Variants in GNB1 observed in about 807,000 individuals in gnomAD.
The protein encoded by GNB1 is guanine nucleotide-binding protein G(I)/G(S)/G(T) subunit beta-1.
Under a neutral mutation model 42.9 loss-of-function variants are expected in GNB1, and 2 were observed. That is an observed-to-expected ratio of 0.05 (90% confidence interval 0.02 to 0.15). GNB1 has a LOEUF of 0.15. GNB1 is among the 10% of genes least tolerant of loss of function. The pLI is 1.00. For missense variants in GNB1, 193 were observed against 462.2 expected (o/e 0.42, Z 5.34); for synonymous variants, 183 against 174.7 (o/e 1.05, Z -0.38).
intron 5 of GNB1, among the ~76,000 whole-genome samples, chr1:1,813,457 T>C (rs1265672708): frequency 1.3e-5 from 2 of 152,174 alleles, no homozygotes; most frequent in African/African-American, 4.8e-5. Context: ...AGGAATAACT[T>C]TGAATTCACA....
chr1:1,820,829 T>G (rs184471121), intron 3 of GNB1, among the ~76,000 whole-genome samples: 268 of 152,326 alleles, frequency 1.8e-3, no homozygotes, highest in African/African-American at 5.5e-3. Context: ...TAACTTCAAT[T>G]CAATCTTTAT....
At chr1:1,833,470 A>G (rs538144567) in intron 2 of GNB1, among the ~76,000 whole-genome samples, 1 of 152,278 alleles carries the variant, frequency 6.6e-6, no homozygotes, top group South Asian at 2.1e-4. Context: ...GACCACCGCA[A>G]CTGATAAAGG....
intron 1 of GNB1, among the ~76,000 whole-genome samples, chr1:1,887,130 A>G (rs895673434): frequency 1.3e-5 from 2 of 152,246 alleles, no homozygotes; most frequent in African/African-American, 2.4e-5. Flanking sequence ...AAAATTGAGA[A>G]TATCTATTAC....
chr1:1,850,251 C>T (rs1437767952), intron 1 of GNB1, among the ~76,000 whole-genome samples: 1 of 152,188 alleles, frequency 6.6e-6, no homozygotes, highest in Non-Finnish European at 1.5e-5. Context: ...CTGCCTCAAC[C>T]TCTCGAGTAG....
chr1:1,789,029 C>G (rs372190992), intron 10 of GNB1, 24 bp downstream of exon 10: 2 of 1,546,144 alleles, frequency 1.3e-6, no homozygotes, highest in Admixed American at 1.7e-5. Context: ...CCACAAGACA[C>G]AGAAAGGCCC....
At chr1:1,861,412 C>T (rs1049580770) in intron 1 of GNB1, among the ~76,000 whole-genome samples, 11 of 152,216 alleles carry the variant, frequency 7.2e-5, no homozygotes, top group Admixed American at 2.0e-4. Context: ...CCCACCGCTG[C>T]ACTCCAGCCT....
At chr1:1,812,202 G>GT (rs1162695450) in intron 5 of GNB1, among the ~76,000 whole-genome samples, 3 of 151,714 alleles carry the variant, frequency 2.0e-5, no homozygotes, top group African/African-American at 7.3e-5. Flanking sequence ...CTGTCATGTG[G>GT]TGGGGGGCAG....
Position 1,829,362 on chromosome 1 carries a change from G to A in GNB1, c.-46-3863C>T, listed in dbSNP as rs1182630319. Reference sequence around the variant, plus strand: ...GAGCCATCATGCCCCGCCTAAAAATGTATTTTCTACAATCAAATTGAAAAA... The same window carrying A: ...GAGCCATCATGCCCCGCCTAAAAATATATTTTCTACAATCAAATTGAAAAA... On this transcript the variant is annotated intron_variant, in intron 2 of 11. Transcript: ENST00000378609. Among the ~76,000 whole-genome samples, 5 of 152,122 alleles carry A rather than the reference G, an allele frequency of 3.3e-5. No individual in the cohort carries two copies. The East Asian group carries it at 9.6e-4, about 29-fold the overall frequency.
rs555292150 is a variant in GNB1 at position 1,850,776 on chromosome 1, C to T, written c.-95-11538G>A. Among the ~76,000 whole-genome samples, 3 of 152,140 alleles carry T rather than the reference C, an allele frequency of 2.0e-5. No homozygotes were observed. The South Asian group carries it at 6.2e-4, about 32-fold the overall frequency. ...TTATTTCTCTCTTAACAAGAAATCG[C>T]TTTTTTGTGTATCTCATAATTTTTT... is the stretch of plus-strand genomic sequence containing the variant. On this transcript the variant is annotated intron_variant, in intron 1 of 11. Transcript: ENST00000378609.
chr1:1,833,184 AGT>A (rs1443385766), intron 2 of GNB1, among the ~76,000 whole-genome samples: 1 of 152,208 alleles, frequency 6.6e-6, no homozygotes, highest in Admixed American at 6.5e-5. Context: ...AACCGGCCCC[AGT>A]GTCTTACACC....
Position 1,850,408 on chromosome 1 carries a change from C to G in GNB1, c.-95-11170G>C, listed in dbSNP as rs554250311. ...CGGCCTCCCCAAAGTGCTGGGATTA[C>G]AAGGGTGAGCCACCGCGCCCAGCCT... On this transcript the variant is annotated intron_variant, in intron 1 of 11. Coordinates refer to ENST00000378609, the MANE Select transcript of GNB1 (RefSeq NM_002074.5). 2.0e-3 allele frequency among the ~76,000 whole-genome samples: 305 copies of G among 152,110 alleles called. 2 individuals are homozygous for G. In the Middle Eastern group the frequency reaches 0.027, roughly 14 times the overall value.
At chr1:1,818,909 AAAAT>A (rs2100905711) in intron 3 of GNB1, among the ~76,000 whole-genome samples, 1 of 152,178 alleles carries the variant, frequency 6.6e-6, no homozygotes, top group East Asian at 1.9e-4. Context: ...AAAACAAAGA[AAAAT>A]AAATAAATTC....
At chr1:1,887,104 G>T (rs1164087346) in intron 1 of GNB1, among the ~76,000 whole-genome samples, 1 of 152,146 alleles carries the variant, frequency 6.6e-6, no homozygotes, top group East Asian at 1.9e-4. Flanking sequence ...CCTGCCATAT[G>T]GTCAAGCCAG....
At chr1:1,809,415 G>T (rs1348950290) in intron 5 of GNB1, among the ~76,000 whole-genome samples, 1 of 151,988 alleles carries the variant, frequency 6.6e-6, no homozygotes, top group African/African-American at 2.4e-5. Flanking sequence ...TGCCTGCCTC[G>T]GCTGGGATTA....
chr1:1,847,090 A>G (rs1017030093), intron 1 of GNB1, among the ~76,000 whole-genome samples: 1 of 152,184 alleles, frequency 6.6e-6, no homozygotes, highest in African/African-American at 2.4e-5. Flanking sequence ...AAAAACTGCC[A>G]CAAAGGACAC....
intron 5 of GNB1, among the ~76,000 whole-genome samples, chr1:1,815,252 C>T (rs545109470): frequency 6.6e-6 from 1 of 152,180 alleles, no homozygotes; most frequent in Non-Finnish European, 1.5e-5. Context: ...AGCGCATTCC[C>T]GTGTGTCTGC....
chr1:1,841,342 T>C (rs1206035159), intron 1 of GNB1, among the ~76,000 whole-genome samples: 1 of 152,126 alleles, frequency 6.6e-6, no homozygotes, highest in Admixed American at 6.6e-5. Flanking sequence ...GCACACGCCA[T>C]GCCTTTTATT....
chr1:1,836,622 C>A (rs1647154103), intron 2 of GNB1, among the ~76,000 whole-genome samples: 1 of 152,014 alleles, frequency 6.6e-6, no homozygotes, highest in Non-Finnish European at 1.5e-5. Context: ...ACAACCTGGA[C>A]TCACTGCAAC....
At chr1:1,859,586 AC>A (rs1648499246) in intron 1 of GNB1, among the ~76,000 whole-genome samples, 2 of 152,026 alleles carry the variant, frequency 1.3e-5, no homozygotes, top group South Asian at 4.2e-4. Flanking sequence ...CAGGGATGAG[AC>A]GCCAACGGAG....
Sources: allele counts gnomAD v4.1 joint callset (sites outside exome capture counted in the v4.1 genomes callset), GRCh38; gene constraint gnomAD v4.1.1; transcripts MANE v1.5; gene names NCBI Gene and HGNC (gene_info 2026-07-23, HGNC 2026-07-21).